Variants in CSMD1 observed in about 807,000 individuals in gnomAD.
CSMD1 encodes the protein CUB and Sushi multiple domains 1, also known as CUB and sushi domain-containing protein 1.
Under a neutral mutation model 417.5 loss-of-function variants are expected in CSMD1, and 213 were observed. That is an observed-to-expected ratio of 0.51 (90% CI 0.46 to 0.57). The LOEUF is 0.57. Among genes scored for constraint, CSMD1 ranks in the 20% least tolerant of loss-of-function variants. CSMD1 has a pLI of 0.00. For missense variants in CSMD1, 6,923 were observed against 4,529.7 expected, an observed-to-expected ratio of 1.53 and a Z score of -15.17; for synonymous variants, 2,862 against 1,736.8, an observed-to-expected ratio of 1.65 and a Z score of -16.11.
intron 12 of CSMD1, among the ~76,000 whole-genome samples, chr8:3,456,452 C>T (rs981890246): frequency 1.3e-5 from 2 of 152,180 alleles, no homozygotes; most frequent in Non-Finnish European, 2.9e-5. Flanking sequence ...CCCTTACTCT[C>T]CTATTTTCTA....
intron 2 of CSMD1, among the ~76,000 whole-genome samples, chr8:4,582,179 A>G (rs1364505583): frequency 2.0e-5 from 3 of 152,018 alleles, no homozygotes; most frequent in Non-Finnish European, 4.4e-5. Context: ...AAATTGACAG[A>G]CATGAGGTTT....
At chr8:4,471,211 A>C (rs1312210899) in intron 2 of CSMD1, among the ~76,000 whole-genome samples, 1 of 152,212 alleles carries the variant, frequency 6.6e-6, no homozygotes, top group Admixed American at 6.5e-5. Context: ...AAACAATCTT[A>C]GAAAAAGTCT....
At chr8:3,949,393 T>C (rs1385591111) in intron 5 of CSMD1, among the ~76,000 whole-genome samples, 1 of 152,170 alleles carries the variant, frequency 6.6e-6, no homozygotes, top group African/African-American at 2.4e-5. Context: ...ACTTTACTTC[T>C]CAGACTATTC....
intron 7 of CSMD1, among the ~76,000 whole-genome samples, chr8:3,618,137 T>G (rs933090111): frequency 1.1e-4 from 17 of 151,976 alleles, no homozygotes; most frequent in Non-Finnish European, 8.8e-5. Context: ...TAATAGCTGG[T>G]AACACAGGCT....
At chr8:4,435,605 G>A (rs771135175) in intron 2 of CSMD1, among the ~76,000 whole-genome samples, 1 of 152,190 alleles carries the variant, frequency 6.6e-6, no homozygotes, top group Admixed American at 6.5e-5. Flanking sequence ...GCTCTTCACG[G>A]CACATGAGTG....
intron 2 of CSMD1, among the ~76,000 whole-genome samples, chr8:4,629,930 G>T (rs986316299): frequency 6.6e-6 from 1 of 152,040 alleles, no homozygotes; most frequent in African/African-American, 2.4e-5. Flanking sequence ...AATATCCCAG[G>T]AAGCTCCTTC....
chr8:3,032,636 G>A (rs13268558), intron 50 of CSMD1, among the ~76,000 whole-genome samples: 29,630 of 151,816 alleles, frequency 0.2, 3,692 homozygotes, highest in Non-Finnish European at 0.27. Flanking sequence ...ATGCCTGTAC[G>A]TGGTTTCTAG....
intron 7 of CSMD1, among the ~76,000 whole-genome samples, chr8:3,664,713 A>G (rs1798595220): frequency 6.6e-6 from 1 of 152,226 alleles, no homozygotes; most frequent in Non-Finnish European, 1.5e-5. Flanking sequence ...TCTTATCGGG[A>G]TGTTGAATAA....
chr8:3,002,749 G>A (rs1807522248), intron 52 of CSMD1, among the ~76,000 whole-genome samples: 1 of 152,140 alleles, frequency 6.6e-6, no homozygotes, highest in Admixed American at 6.5e-5. Flanking sequence ...GACTTGTAAT[G>A]GTCAAGGAAG....
At position 4,794,664 on chromosome 8, in the gene CSMD1, C is replaced by G. The variant is rs1430515986; in HGVS notation, c.86-157106G>C. On this transcript the variant is annotated intron_variant, in intron 1 of 69. Transcript: ENST00000635120. ...TCCCCATTGTCCCCATACCTTCTTTCTTCTGCTGACTGCTATTGGCCCATC... is the reference window on the plus strand; with the variant it reads ...TCCCCATTGTCCCCATACCTTCTTTGTTCTGCTGACTGCTATTGGCCCATC... Among the ~76,000 whole-genome samples the G allele has an allele frequency of 3.3e-5, 5 of 152,276 alleles. No homozygotes were observed. In the East Asian group the frequency reaches 5.8e-4, roughly 18 times the overall value.
In CSMD1 at chr8:4,168,774, C is replaced by A. The variant is rs140192682; in HGVS notation, c.416-136675G>T. 4.3e-3 allele frequency among the ~76,000 whole-genome samples: 655 copies of A among 152,224 alleles called. 4 individuals carry two copies. Among genetic ancestry groups the A allele is most frequent in the African/African-American group, 0.014 (594 of 41,518 alleles). On this transcript the variant is annotated intron_variant, in intron 3 of 69. Coordinates refer to ENST00000635120, the MANE Select transcript of CSMD1 (RefSeq NM_033225.6). ...AGTTAGGCTTTATTTCTTTTCCTTACAATAAAACTCTCCTCTTCCCTTTCA... is the reference window on the plus strand; with the variant it reads ...AGTTAGGCTTTATTTCTTTTCCTTAAAATAAAACTCTCCTCTTCCCTTTCA...
At chr8:4,549,030 T>A (rs971592932) in intron 2 of CSMD1, among the ~76,000 whole-genome samples, 10 of 152,196 alleles carry the variant, frequency 6.6e-5, no homozygotes, top group Non-Finnish European at 1.0e-4. Context: ...TTAAGTATAT[T>A]TTGTTGACTT....
chr8:4,967,578 A>C (rs955350239), intron 1 of CSMD1, among the ~76,000 whole-genome samples: 1 of 152,136 alleles, frequency 6.6e-6, no homozygotes, highest in African/African-American at 2.4e-5. Context: ...CTTATTAACT[A>C]TTTTTAATTT....
intron 50 of CSMD1, among the ~76,000 whole-genome samples, chr8:3,035,120 C>T (rs1810587048): frequency 6.6e-6 from 1 of 152,106 alleles, no homozygotes; most frequent in South Asian, 2.1e-4. Context: ...TTAAAGAAAA[C>T]ACTTGGTTCT....
intron 49 of CSMD1, among the ~76,000 whole-genome samples, chr8:3,077,603 A>G (rs1563313595): frequency 6.6e-6 from 1 of 152,304 alleles, no homozygotes. Flanking sequence ...TGTCTCAGCT[A>G]TCTCTACCTT....
chr8:4,371,104 T>A (rs1464718377), intron 3 of CSMD1, among the ~76,000 whole-genome samples: 3 of 152,226 alleles, frequency 2.0e-5, no homozygotes, highest in African/African-American at 4.8e-5. Context: ...ATTTTGTTTT[T>A]ATGGTCTTTA....
chr8:3,367,458 G>A (rs143975015), intron 19 of CSMD1, among the ~76,000 whole-genome samples: 213 of 151,792 alleles, frequency 1.4e-3, no homozygotes, highest in Non-Finnish European at 2.7e-3. Flanking sequence ...GGAGAGAGAT[G>A]GAGAGGAGAG....
chr8:4,395,826 A>G (rs1804167766), intron 3 of CSMD1, among the ~76,000 whole-genome samples: 1 of 152,224 alleles, frequency 6.6e-6, no homozygotes, highest in South Asian at 2.1e-4. Flanking sequence ...AAGTAGATAC[A>G]CATTAACTTA....
At chr8:4,420,158 G>C (rs936313869) in intron 2 of CSMD1, 93 bp from the exon 3 acceptor site, 3 of 765,954 alleles carry the variant, frequency 3.9e-6, no homozygotes, top group Non-Finnish European at 4.3e-6. Flanking sequence ...CTTGAACAGT[G>C]GTATATTCAC....
Sources: allele counts gnomAD v4.1 joint callset (sites outside exome capture counted in the v4.1 genomes callset), GRCh38; gene constraint gnomAD v4.1.1; transcripts MANE v1.5; gene names NCBI Gene and HGNC (gene_info 2026-07-23, HGNC 2026-07-21).